The following SLC9A1 variants were observed in gnomAD, a reference collection of about 807,000 sequenced individuals.
SLC9A1 encodes solute carrier family 9 member A1, also known as sodium/hydrogen exchanger 1.
A neutral mutation model predicts 67.9 loss-of-function variants in SLC9A1; 22 were observed. The observed-to-expected ratio is 0.32, with a 90% CI of 0.23 to 0.46. The LOEUF is 0.46. Among genes scored for constraint, SLC9A1 ranks in the 20% least tolerant of loss-of-function variants. The probability of loss-of-function intolerance (pLI) is 1.00; values close to 1 mark genes in which losing one functional copy is unlikely to be tolerated. For synonymous variants in SLC9A1, 421 were observed against 471.8 expected, an observed-to-expected ratio of 0.89 and a Z score of 1.40; for missense variants, 686 against 1,094.8, an observed-to-expected ratio of 0.63 and a Z score of 5.27.
intron 1 of SLC9A1, among the ~76,000 whole-genome samples, chr1:27,149,155 C>T (rs1448461326): frequency 1.3e-5 from 2 of 152,198 alleles, no homozygotes; most frequent in African/African-American, 4.8e-5. Context: ...GTGCCCAACT[C>T]CTAGAGGGAG....
intron 1 of SLC9A1, among the ~76,000 whole-genome samples, chr1:27,125,242 T>C (rs1463220657): frequency 2.6e-4 from 33 of 129,138 alleles, no homozygotes; most frequent in African/African-American, 9.0e-4. Flanking sequence ...TCTTTCTTTT[T>C]TTTTTTTTTT....
chr1:27,151,735 C>A (rs766028212), intron 1 of SLC9A1, among the ~76,000 whole-genome samples: 1 of 152,180 alleles, frequency 6.6e-6, no homozygotes. Flanking sequence ...TGGCTGAATT[C>A]CACACTGCAA....
chr1:27,151,043 A>G (rs1053257855), intron 1 of SLC9A1, among the ~76,000 whole-genome samples: 1 of 152,124 alleles, frequency 6.6e-6, no homozygotes, highest in Non-Finnish European at 1.5e-5. Context: ...CCTTATCCCT[A>G]CAAGGCAGCT....
chr1:27,100,711 G>T lies in SLC9A1; in HGVS notation c.2111-67C>A. ...AGCCCGGCCCAGCACGTGCCACTCG[G>T]CCGCGTCAGTGCCTCCTTCAGGCCT... On this transcript the variant is annotated intron_variant, in intron 11 of 11. Coordinates refer to ENST00000263980, the MANE Select transcript of SLC9A1 (RefSeq NM_003047.5). The surrounding 1 kb of genome is among the most constrained non-coding windows in gnomAD (Gnocchi z 5.6). The T allele has an allele frequency of 7.4e-7, 1 of 1,347,694 alleles. No individual in the cohort carries two copies. Among genetic ancestry groups the T allele is most frequent in the Non-Finnish European group, 1.0e-6 (1 of 976,024 alleles). The allele number at this position is 1,347,694 out of a possible 1,614,324, so 83.5% of individuals were successfully genotyped here.
chr1:27,110,167 A>C (rs1407642143), intron 2 of SLC9A1, among the ~76,000 whole-genome samples: 1 of 152,218 alleles, frequency 6.6e-6, no homozygotes, highest in Non-Finnish European at 1.5e-5. Flanking sequence ...TGTGAGGACT[A>C]AATCAGCGAA....
rs76797378 is a variant in SLC9A1, at chr1:27,101,706, A to C, written c.2037+19T>G. ...CGAGTGGGGTGGGATACAGATTCCC[A>C]GAGGAAGGCAGAGGCTACCTTCTGC... On this transcript the variant is annotated intron_variant, in intron 10 of 11. Transcript: ENST00000263980. This position sits in a 1 kb window ranked among gnomAD's most constrained non-coding sequence, Gnocchi z 4.9. 649 of 1,567,128 alleles carry C rather than the reference A, an allele frequency of 4.1e-4. 5 individuals are homozygous for C. The African/African-American group carries it at 8.1e-3, about 20-fold the overall frequency.
chr1:27,140,562 C>A (rs1251714856), intron 1 of SLC9A1, among the ~76,000 whole-genome samples: 1 of 152,142 alleles, frequency 6.6e-6, no homozygotes, highest in African/African-American at 2.4e-5. Flanking sequence ...ACAGACATCA[C>A]CCCCCTTTAG....
At chr1:27,116,933 C>G (rs965878643) in intron 1 of SLC9A1, among the ~76,000 whole-genome samples, 1 of 152,168 alleles carries the variant, frequency 6.6e-6, no homozygotes, top group Non-Finnish European at 1.5e-5. Flanking sequence ...TACCTCTACC[C>G]CCACCATATG....
Position 27,099,860 on chromosome 1 carries a change from C to A in SLC9A1, c.*447G>T. The A allele has an allele frequency of 6.3e-6, 1 of 159,850 alleles. No homozygotes were observed. Among genetic ancestry groups the A allele is most frequent in the Admixed American group, 6.4e-5 (1 of 15,538 alleles). 9.9% of individuals were successfully genotyped at this position (159,850 alleles called of 1,614,324 possible). A position where few individuals can be genotyped will look rare whatever the true frequency, so the allele number is the denominator to read the frequency against. On this transcript the variant is annotated 3_prime_UTR_variant, in exon 12 of 12. Transcript: ENST00000263980. ...CTCCCCCAGCCATGTGCCTGGTACC[C>A]CTGGTTTGTCCCCTGATAAAGCAGG...
At chr1:27,123,766 G>A (rs772883128) in intron 1 of SLC9A1, among the ~76,000 whole-genome samples, 2 of 151,790 alleles carry the variant, frequency 1.3e-5, no homozygotes, top group Admixed American at 6.6e-5. Context: ...CTGCCTTGGC[G>A]TCCCAAAGTG....
rs1557742300 is a variant in SLC9A1 at position 27,114,101 on chromosome 1, G to A, written c.538C>T (p.Arg180Trp). 3.1e-6 allele frequency: 5 copies of A among 1,614,158 alleles called. No individual in the cohort carries two copies. Among genetic ancestry groups the A allele is most frequent in the Non-Finnish European group, 4.2e-6 (5 of 1,180,036 alleles). Reference protein sequence around the residue: ...ILDAGYFLPLRQFTENLGTIL... With the variant: ...ILDAGYFLPLWQFTENLGTIL... The stretch of plus-strand genomic sequence containing the variant: ...GTGCCCAGGTTTTCTGTGAACTGCC[G>A]CAGTGGCAGGAAGTAGCCCGCATCC... Residue 180 changes from arginine to tryptophan, a missense_variant, in exon 2 of 12, where the codon CGG becomes TGG. Transcript: ENST00000263980. The surrounding 1 kb of genome is among the most constrained non-coding windows in gnomAD (Gnocchi z 5.4).
In SLC9A1 at chr1:27,099,653, C is replaced by T. The variant is rs1399814542; in HGVS notation, c.*654G>A. On this transcript the variant is annotated 3_prime_UTR_variant, in exon 12 of 12. Transcript: ENST00000263980. ...TTCCCCTGAGGGGCCCAGTGGTCCC[C>T]GTGGGAGCACAGTTCGAAAAGCTCT... 1 of 152,542 alleles carries T rather than the reference C, an allele frequency of 6.6e-6. No individual in the cohort carries two copies. The highest frequency in any genetic ancestry group is 2.1e-4 in the South Asian group (1 of 4,842). The allele number at this position is 152,542 out of a possible 1,614,324, so 9.4% of individuals were successfully genotyped here. A position where few individuals can be genotyped will look rare whatever the true frequency, so the allele number is the denominator to read the frequency against.
At chr1:27,121,401 G>A (rs544332282) in intron 1 of SLC9A1, among the ~76,000 whole-genome samples, 10 of 152,300 alleles carry the variant, frequency 6.6e-5, no homozygotes, top group African/African-American at 9.6e-5. Context: ...TGAGCTTTGC[G>A]TAAATCACTA....
At chr1:27,115,344 C>T (rs2083257462) in intron 1 of SLC9A1, among the ~76,000 whole-genome samples, 2 of 152,154 alleles carry the variant, frequency 1.3e-5, no homozygotes. Context: ...TTGAGAGGGC[C>T]TCTCTCAATA....
In SLC9A1 at chr1:27,155,124, C is replaced by G. The variant is rs11579458; in HGVS notation, c.-790G>C. Among the ~76,000 whole-genome samples the G allele has an allele frequency of 2.0e-5, 3 of 152,218 alleles. No individual in the cohort carries two copies. The highest frequency in any genetic ancestry group is 4.1e-4 in the South Asian group (2 of 4,826). Reference sequence around the variant, plus strand: ...TAGCCCCGGCCCCGGCGGCAGCAGACTGAAGCCTAGCTGAGCCCGGCGCTG... The same window carrying G: ...TAGCCCCGGCCCCGGCGGCAGCAGAGTGAAGCCTAGCTGAGCCCGGCGCTG... On this transcript the variant is annotated 5_prime_UTR_variant, in exon 1 of 12. Coordinates refer to ENST00000263980, the MANE Select transcript of SLC9A1 (RefSeq NM_003047.5). This position sits in a 1 kb window ranked among gnomAD's most constrained non-coding sequence, Gnocchi z 4.5.
chr1:27,112,156 C>T (rs533197814), intron 2 of SLC9A1, among the ~76,000 whole-genome samples: 6 of 152,206 alleles, frequency 3.9e-5, no homozygotes, highest in Non-Finnish European at 8.8e-5. Context: ...GAAACTCAGG[C>T]TCATGTGGTA....
intron 1 of SLC9A1, among the ~76,000 whole-genome samples, chr1:27,116,711 T>C (rs750399858): frequency 1.3e-5 from 2 of 152,236 alleles, no homozygotes; most frequent in Admixed American, 6.5e-5. Flanking sequence ...GCTAGTCATG[T>C]TGGACCCAAG....
intron 8 of SLC9A1, 51 bp from the exon 9 acceptor site, chr1:27,102,181 G>C (rs780763775): frequency 1.7e-5 from 26 of 1,508,164 alleles, no homozygotes; most frequent in Non-Finnish European, 2.4e-5. Context: ...GGATCCTGGT[G>C]CCTCCCAGGT....
Position 27,099,223 on chromosome 1 carries a change from TCCAGGGG to T in SLC9A1, c.*1077_*1083del, listed in dbSNP as rs1259132183. 1.3e-5 allele frequency: 2 copies of T among 153,008 alleles called. No individual in the cohort carries two copies. Among genetic ancestry groups the T allele is most frequent in the Admixed American group, 1.3e-4 (2 of 15,284 alleles). The allele number at this position is 153,008 out of a possible 1,614,324, so 9.5% of individuals were successfully genotyped here. ...GGTGTGGTACACACAAGGGAAAGGT[TCCAGGGG>T]CCAAACCCAGGGTGGGGGAAGTAAG... On this transcript the variant is annotated 3_prime_UTR_variant, in exon 12 of 12. Coordinates refer to ENST00000263980, the MANE Select transcript of SLC9A1 (RefSeq NM_003047.5).
Sources: allele counts gnomAD v4.1 joint callset (sites outside exome capture counted in the v4.1 genomes callset), GRCh38; gene constraint gnomAD v4.1.1; non-coding constraint Gnocchi (gnomAD v3.1); transcripts MANE v1.5; gene names NCBI Gene and HGNC (gene_info 2026-07-23, HGNC 2026-07-21).